AGXT2: variants seen among roughly 807,000 people sequenced by gnomAD.
AGXT2 encodes the protein alanine--glyoxylate aminotransferase 2.
Under a neutral mutation model 62.5 loss-of-function variants are expected in AGXT2, and 61 were observed. The observed-to-expected ratio is 0.98, with a 90% confidence interval of 0.79 to 1.21. The LOEUF (loss-of-function observed/expected upper bound fraction) is 1.21. Ranked by LOEUF, AGXT2 falls within the 50% of genes most tolerant of loss-of-function variation. The pLI, the probability that AGXT2 is intolerant of heterozygous loss-of-function variation, is 0.00. For synonymous variants in AGXT2, 243 were observed against 218.7 expected (o/e 1.11, Z -0.98); for missense variants, 666 against 641.5 (o/e 1.04, Z -0.41).
At chr5:35,027,109 CAGG>C (rs1212336462) in intron 7 of AGXT2, 1 of 741,412 alleles carries the variant, frequency 1.3e-6, no homozygotes, top group African/African-American at 1.9e-5. Flanking sequence ...TCCGATTAAT[CAGG>C]AGGTTTTTGT....
intron 11 of AGXT2, chr5:35,012,547 A>G: frequency 3.9e-6 from 1 of 257,816 alleles, no homozygotes; most frequent in Non-Finnish European, 7.6e-6. Flanking sequence ...AGCACGTAGA[A>G]CTCAGTGTCT....
At chr5:35,002,486 C>T (rs1349723197) in intron 13 of AGXT2, among the ~76,000 whole-genome samples, 1 of 152,162 alleles carries the variant, frequency 6.6e-6, no homozygotes, top group African/African-American at 2.4e-5. Flanking sequence ...GCCTCTACCC[C>T]TTGAATTCCT....
chr5:35,013,922 A>C, intron 10 of AGXT2, 65 bp downstream of exon 10: 1 of 1,609,026 alleles, frequency 6.2e-7, no homozygotes. Context: ...GTTCCAACAC[A>C]CGTGTTATAC....
chr5:35,023,153 T>C lies in AGXT2; in HGVS notation c.963+2610A>G, dbSNP rs1431734857. Among the ~76,000 whole-genome samples the C allele has an allele frequency of 2.2e-5, 3 of 135,694 alleles. No individual in the cohort carries two copies. The East Asian group carries it at 6.1e-4, about 28-fold the overall frequency. The allele number at this position is 135,694 out of a possible 152,430, so 89.0% of individuals were successfully genotyped here. A position where few individuals can be genotyped will look rare whatever the true frequency, so the allele number is the denominator to read the frequency against. Reference sequence around the variant, plus strand: ...TGCTTCATTTTTAATAAAATTGTGGTGATGGCAGATGTAAAAAAAAAAAGA... The same window carrying C: ...TGCTTCATTTTTAATAAAATTGTGGCGATGGCAGATGTAAAAAAAAAAAGA... On this transcript the variant is annotated intron_variant, in intron 9 of 13. Coordinates refer to ENST00000231420, the MANE Select transcript of AGXT2 (RefSeq NM_031900.4).
intron 9 of AGXT2, among the ~76,000 whole-genome samples, chr5:35,024,981 A>G (rs1228156144): frequency 1.3e-5 from 2 of 152,184 alleles, no homozygotes; most frequent in Non-Finnish European, 2.9e-5. Flanking sequence ...AAAAAGAAAC[A>G]AACAAACAAA....
intron 7 of AGXT2, among the ~76,000 whole-genome samples, chr5:35,031,976 G>A (rs1382386856): frequency 7.5e-6 from 1 of 132,514 alleles, no homozygotes; most frequent in Non-Finnish European, 1.5e-5. Flanking sequence ...TTTTTGAGAT[G>A]GAGTCTTGTT....
chr5:35,043,756 T>A (rs1768076227), intron 1 of AGXT2, among the ~76,000 whole-genome samples: 1 of 152,182 alleles, frequency 6.6e-6, no homozygotes, highest in Non-Finnish European at 1.5e-5. Flanking sequence ...AGTGGTGGAA[T>A]CTCTGCTCAT....
At chr5:35,031,404 G>A (rs932050714) in intron 7 of AGXT2, among the ~76,000 whole-genome samples, 12 of 152,152 alleles carry the variant, frequency 7.9e-5, no homozygotes, top group African/African-American at 2.7e-4. Flanking sequence ...AGACGATGGT[G>A]AATTTTTTTC....
rs1035386353 is a variant in AGXT2 at position 35,013,044 on chromosome 5, C to T, written c.1098G>A (p.Glu366=). 6.4e-7 allele frequency: 1 copy of T among 1,551,482 alleles called. No homozygotes were observed. The highest frequency in any genetic ancestry group is 8.7e-7 in the Non-Finnish European group (1 of 1,146,904). ...FPMAAVITTP[E]IAKSLAKCLQ... The stretch of plus-strand genomic sequence containing the variant: ...GGCATTTCGCCAAAGATTTGGCAAT[C>T]TCTAGAGGGAGAAAATAGAAGGTGT... The change falls in exon 11 of 14, where the codon GAG becomes GAA. Residue 366 remains glutamate (E), a splice_region_variant and synonymous_variant. Transcript: ENST00000231420.
At chr5:35,044,065 C>T (rs1004700740) in intron 1 of AGXT2, among the ~76,000 whole-genome samples, 5 of 152,188 alleles carry the variant, frequency 3.3e-5, no homozygotes, top group African/African-American at 7.2e-5. Context: ...CATTTGCAAT[C>T]TCATTTGATA....
At chr5:35,024,672 T>A (rs1036496235) in intron 9 of AGXT2, among the ~76,000 whole-genome samples, 2 of 152,134 alleles carry the variant, frequency 1.3e-5, no homozygotes, top group Non-Finnish European at 2.9e-5. Context: ...ATTATTATTT[T>A]AAAAACATTA....
chr5:35,030,217 A>G (rs1767509671), intron 7 of AGXT2, among the ~76,000 whole-genome samples: 1 of 152,164 alleles, frequency 6.6e-6, no homozygotes, highest in African/African-American at 2.4e-5. Context: ...GTGAGTTAAG[A>G]AAACAGCTGG....
chr5:35,018,041 C>T (rs191118292), intron 9 of AGXT2, among the ~76,000 whole-genome samples: 130 of 152,082 alleles, frequency 8.5e-4, no homozygotes, highest in African/African-American at 2.6e-3. Context: ...TAAAAAGAAA[C>T]GAGCAAAGCC....
chr5:35,028,947 G>A (rs186106303), intron 7 of AGXT2, among the ~76,000 whole-genome samples: 2 of 152,194 alleles, frequency 1.3e-5, no homozygotes, highest in East Asian at 3.9e-4. Context: ...CATCAAAACC[G>A]AATTTTATAC....
intron 11 of AGXT2, among the ~76,000 whole-genome samples, chr5:35,012,049 G>A (rs1454115618): frequency 1.3e-5 from 2 of 151,924 alleles, no homozygotes; most frequent in African/African-American, 4.8e-5. Flanking sequence ...GCTAAGCTAT[G>A]GGTACACAAT....
At chr5:35,018,184 C>T (rs569962324) in intron 9 of AGXT2, among the ~76,000 whole-genome samples, 1 of 152,246 alleles carries the variant, frequency 6.6e-6, no homozygotes, top group East Asian at 1.9e-4. Flanking sequence ...CCCAATCTAG[C>T]AAGGCAGGCC....
At chr5:35,002,870 A>G (rs1370558292) in intron 13 of AGXT2, among the ~76,000 whole-genome samples, 1 of 152,244 alleles carries the variant, frequency 6.6e-6, no homozygotes, top group African/African-American at 2.4e-5. Flanking sequence ...TTATCTGAGA[A>G]GTATGAGGCA....
chr5:35,023,791 G>A (rs773241448), intron 9 of AGXT2, among the ~76,000 whole-genome samples: 14 of 152,218 alleles, frequency 9.2e-5, no homozygotes, highest in Non-Finnish European at 1.6e-4. Context: ...GGGCATAACA[G>A]AGACCCAGCT....
chr5:35,022,348 A>G lies in AGXT2; in HGVS notation c.963+3415T>C, dbSNP rs1767137587. On this transcript the variant is annotated intron_variant, in intron 9 of 13. Transcript: ENST00000231420. Reference sequence around the variant, plus strand: ...CAAATGTCCAACAATGATAGACTGGATTAAGAAAATGTGGCACATATACAC... The same window carrying G: ...CAAATGTCCAACAATGATAGACTGGGTTAAGAAAATGTGGCACATATACAC... Among the ~76,000 whole-genome samples, 3 of 152,114 alleles carry G rather than the reference A, an allele frequency of 2.0e-5. No homozygotes were observed. In the South Asian group the frequency reaches 6.2e-4, roughly 32 times the overall value.
Sources: gnomAD v4.1 joint callset for allele counts (sites outside exome capture counted in the v4.1 genomes callset) on GRCh38, gnomAD v4.1.1 for gene constraint, MANE v1.5 for transcripts, NCBI Gene and HGNC (gene_info 2026-07-23, HGNC 2026-07-21) for gene names.